AGMO: variants seen among roughly 807,000 people sequenced by gnomAD.
AGMO encodes glyceryl-ether monooxygenase.
AGMO carries 75 observed loss-of-function variants against 60.2 expected under a neutral mutation model. That is an observed-to-expected ratio of 1.25 (90% CI 1.03 to 1.51). The LOEUF (loss-of-function observed/expected upper bound fraction) is 1.51, where lower values mean the gene tolerates loss of function less well. Ranked by LOEUF, AGMO falls within the 40% of genes most tolerant of loss-of-function variation. AGMO has a pLI of 0.00. For synonymous variants in AGMO, 261 were observed against 177.1 expected, an observed-to-expected ratio of 1.47 and a Z score of -3.76; for missense variants, 763 against 525.5, an observed-to-expected ratio of 1.45 and a Z score of -4.42.
chr7:15,353,963 A>G (rs990009860), intron 12 of AGMO, among the ~76,000 whole-genome samples: 1 of 152,164 alleles, frequency 6.6e-6, no homozygotes, highest in Non-Finnish European at 1.5e-5. Flanking sequence ...ATACAAAGCC[A>G]ATACATTTTG....
chr7:15,122,610 T>G, the AGMO span, among the ~76,000 whole-genome samples: 1,085 of 152,218 alleles, frequency 7.1e-3, 6 homozygotes, highest in Non-Finnish European at 0.01. Context: ...TCCACGTCAC[T>G]CACATTTCTA....
At chr7:15,463,548 G>A (rs1023313945) in intron 3 of AGMO, among the ~76,000 whole-genome samples, 22 of 152,040 alleles carry the variant, frequency 1.4e-4, no homozygotes, top group Admixed American at 1.0e-3. Flanking sequence ...ATGTACTTTC[G>A]AGCAAAGAAT....
intron 3 of AGMO, among the ~76,000 whole-genome samples, chr7:15,467,979 G>A (rs1332599298): frequency 3.3e-5 from 5 of 152,004 alleles, no homozygotes; most frequent in African/African-American, 4.8e-5. Context: ...GACCTCAGCA[G>A]ACCTAATAGT....
the AGMO span, among the ~76,000 whole-genome samples, chr7:15,185,514 G>A: frequency 1.3e-5 from 2 of 152,308 alleles, no homozygotes; most frequent in Admixed American, 6.5e-5. Flanking sequence ...GGTACTAGGT[G>A]ATCTATGGCC....
At chr7:15,279,106 A>G (rs1294183319) in intron 12 of AGMO, among the ~76,000 whole-genome samples, 2 of 152,182 alleles carry the variant, frequency 1.3e-5, no homozygotes, top group Non-Finnish European at 2.9e-5. Flanking sequence ...ATGCCTGTGT[A>G]CAGTCTTCAG....
chr7:15,472,883 A>G (rs916109901), intron 3 of AGMO, among the ~76,000 whole-genome samples: 1 of 151,838 alleles, frequency 6.6e-6, no homozygotes, highest in African/African-American at 2.4e-5. Flanking sequence ...TTTGGCTGCA[A>G]AATTAGAACA....
chr7:15,457,329 G>A (rs1281444029), intron 3 of AGMO, among the ~76,000 whole-genome samples: 4 of 152,034 alleles, frequency 2.6e-5, no homozygotes, highest in Non-Finnish European at 1.5e-5. Flanking sequence ...ATGATTCAAA[G>A]CTATCCTGCA....
intron 12 of AGMO, among the ~76,000 whole-genome samples, chr7:15,237,458 G>A (rs549334275): frequency 6.6e-6 from 1 of 151,992 alleles, no homozygotes; most frequent in African/African-American, 2.4e-5. Context: ...AATGTCTACA[G>A]AATATACTTC....
intron 12 of AGMO, among the ~76,000 whole-genome samples, chr7:15,238,954 G>C (rs10244006): frequency 0.093 from 14,113 of 152,166 alleles, 814 homozygotes; most frequent in South Asian, 0.2. Flanking sequence ...ACTTTTTATT[G>C]CACATAATGA....
intron 12 of AGMO, among the ~76,000 whole-genome samples, chr7:15,246,572 T>C (rs767593659): frequency 2.0e-5 from 3 of 152,158 alleles, no homozygotes; most frequent in Non-Finnish European, 4.4e-5. Context: ...TACATCCCCA[T>C]ACTTCATATT....
At chr7:15,287,057 C>T (rs1047145653) in intron 12 of AGMO, among the ~76,000 whole-genome samples, 1 of 152,002 alleles carries the variant, frequency 6.6e-6, no homozygotes, top group Non-Finnish European at 1.5e-5. Context: ...GTATAATGGA[C>T]TTTGGAGACA....
chr7:15,287,625 G>A (rs888746767), intron 12 of AGMO, among the ~76,000 whole-genome samples: 2 of 152,120 alleles, frequency 1.3e-5, no homozygotes, highest in African/African-American at 4.8e-5. Context: ...AAAGTGAGTT[G>A]TATCAATTTA....
intron 12 of AGMO, among the ~76,000 whole-genome samples, chr7:15,219,439 G>A (rs903200497): frequency 9.2e-5 from 14 of 152,050 alleles, no homozygotes; most frequent in African/African-American, 3.4e-4. Flanking sequence ...CTGAACACAG[G>A]AGGAAGGAAA....
At chr7:15,520,231 T>A (rs928616928) in intron 3 of AGMO, among the ~76,000 whole-genome samples, 1 of 151,954 alleles carries the variant, frequency 6.6e-6, no homozygotes, top group South Asian at 2.1e-4. Flanking sequence ...AGACTTAGAC[T>A]CCCAGAAAAA....
chr7:15,432,343 T>TAC (rs1781271836), intron 3 of AGMO, among the ~76,000 whole-genome samples: 1 of 91,246 alleles, frequency 1.1e-5, no homozygotes. Context: ...TATATATATA[T>TAC]ATACATACAT....
intron 10 of AGMO, among the ~76,000 whole-genome samples, chr7:15,385,033 A>G (rs1489673805): frequency 3.3e-5 from 5 of 151,322 alleles, no homozygotes; most frequent in African/African-American, 1.2e-4. Context: ...TAAAGGAATT[A>G]AACTCTACAC....
the AGMO span, among the ~76,000 whole-genome samples, chr7:15,160,919 C>A: frequency 6.6e-6 from 1 of 152,028 alleles, no homozygotes; most frequent in Admixed American, 6.6e-5. Context: ...AGTACAAGAT[C>A]AAAAAGCAAG....
At chr7:15,336,837 C>T (rs1209117026) in intron 12 of AGMO, among the ~76,000 whole-genome samples, 1 of 152,120 alleles carries the variant, frequency 6.6e-6, no homozygotes, top group Non-Finnish European at 1.5e-5. Context: ...ACATATATTT[C>T]AGGCAAATCA....
In AGMO at chr7:15,243,757, A is replaced by G. The variant is rs1031156021; in HGVS notation, c.1264-42398T>C. ...AAATGCACAATCTGTGTATTTTTTC[A>G]AAGCACGAAAAATTTCAGGGCTATA... is the stretch of plus-strand genomic sequence containing the variant. On this transcript the variant is annotated intron_variant, in intron 12 of 12. Coordinates refer to ENST00000342526, the MANE Select transcript of AGMO (RefSeq NM_001004320.2). Among the ~76,000 whole-genome samples, 5 of 152,168 alleles carry G rather than the reference A, an allele frequency of 3.3e-5. No homozygotes were observed. In the East Asian group the frequency reaches 7.7e-4, roughly 23 times the overall value.
Sources: gnomAD v4.1 joint callset for allele counts (sites outside exome capture counted in the v4.1 genomes callset) on GRCh38, gnomAD v4.1.1 for gene constraint, MANE v1.5 for transcripts, NCBI Gene and HGNC (gene_info 2026-07-23, HGNC 2026-07-21) for gene names.